NRG3: variants seen among roughly 807,000 people sequenced by gnomAD.
NRG3 encodes the protein pro-neuregulin-3, membrane-bound isoform.
In NRG3, 31 loss-of-function variants were observed where a neutral mutation model predicts 66.9. The observed-to-expected ratio is 0.46, with a 90% CI of 0.35 to 0.63. The LOEUF (loss-of-function observed/expected upper bound fraction) is 0.63. NRG3 is among the 20% of genes least tolerant of loss of function. The pLI, the probability that NRG3 is intolerant of heterozygous loss-of-function variation, is 0.00. For synonymous variants in NRG3, 393 were observed against 359.4 expected (o/e 1.09, Z -1.06); for missense variants, 910 against 878.9 (o/e 1.04, Z -0.45).
chr10:82,980,373 A>G (rs1263696584), intron 8 of NRG3, among the ~76,000 whole-genome samples: 1 of 152,184 alleles, frequency 6.6e-6, no homozygotes, highest in Non-Finnish European at 1.5e-5. Flanking sequence ...TAATTTTTTC[A>G]GCAATTTCAA....
intron 2 of NRG3, among the ~76,000 whole-genome samples, chr10:82,394,640 T>TC (rs1478963540): frequency 6.6e-6 from 1 of 152,198 alleles, no homozygotes; most frequent in Non-Finnish European, 1.5e-5. Flanking sequence ...AATTTTCATA[T>TC]CAGCAGTATT....
At chr10:82,196,917 G>A (rs2074480702) in intron 1 of NRG3, among the ~76,000 whole-genome samples, 1 of 152,158 alleles carries the variant, frequency 6.6e-6, no homozygotes, top group Non-Finnish European at 1.5e-5. Flanking sequence ...ATTTATTCCT[G>A]GGAAACTTAA....
intron 3 of NRG3, among the ~76,000 whole-genome samples, chr10:82,813,211 CTTTTTTT>C (rs58875697): frequency 1.8e-5 from 2 of 112,142 alleles, no homozygotes; most frequent in Non-Finnish European, 1.7e-5. Flanking sequence ...CTCTGTTTCT[CTTTTTTT>C]TTTTTTTTTT....
At chr10:82,049,729 A>G (rs1213544274) in intron 1 of NRG3, among the ~76,000 whole-genome samples, 1 of 151,988 alleles carries the variant, frequency 6.6e-6, no homozygotes, top group African/African-American at 2.4e-5. Context: ...ATCCAATTGG[A>G]TGCTGGTCAA....
At chr10:82,041,745 C>T (rs565922360) in intron 1 of NRG3, among the ~76,000 whole-genome samples, 12 of 152,042 alleles carry the variant, frequency 7.9e-5, no homozygotes, top group African/African-American at 2.9e-4. Flanking sequence ...TCTCTCCCTT[C>T]ACCCTTCCTT....
chr10:82,393,543 G>C (rs537181315), intron 2 of NRG3, among the ~76,000 whole-genome samples: 3 of 152,318 alleles, frequency 2.0e-5, no homozygotes, highest in Non-Finnish European at 4.4e-5. Flanking sequence ...AATCTGCCAT[G>C]CTGAGGATAA....
chr10:81,975,131 C>A (rs994223992), intron 1 of NRG3, among the ~76,000 whole-genome samples: 3 of 151,480 alleles, frequency 2.0e-5, no homozygotes, highest in African/African-American at 4.8e-5. Context: ...ACATAAAATA[C>A]AATGAAAATA....
chr10:82,305,806 A>G (rs1387525045), intron 1 of NRG3, among the ~76,000 whole-genome samples: 3 of 152,140 alleles, frequency 2.0e-5, no homozygotes, highest in Admixed American at 6.5e-5. Context: ...AATAGTGACA[A>G]TTGTTCCTCC....
chr10:82,022,093 T>C (rs1461595021), intron 1 of NRG3, among the ~76,000 whole-genome samples: 1 of 152,050 alleles, frequency 6.6e-6, no homozygotes, highest in East Asian at 1.9e-4. Context: ...AAAATTTTAT[T>C]GAGCACATAC....
intron 1 of NRG3, among the ~76,000 whole-genome samples, chr10:82,327,521 A>G (rs947579439): frequency 1.6e-4 from 25 of 152,200 alleles, no homozygotes; most frequent in African/African-American, 5.8e-4. Flanking sequence ...ATGAAACCCC[A>G]AAGAGTTTAC....
chr10:82,132,430 C>A (rs532750998), intron 1 of NRG3, among the ~76,000 whole-genome samples: 3 of 49,018 alleles, frequency 6.1e-5, no homozygotes, highest in Non-Finnish European at 1.7e-4. Context: ...TTATTGAATG[C>A]AGTTTGCTAA....
chr10:82,246,304 A>G (rs2077241700), intron 1 of NRG3, among the ~76,000 whole-genome samples: 1 of 152,198 alleles, frequency 6.6e-6, no homozygotes, highest in African/African-American at 2.4e-5. Flanking sequence ...ACATACTGCA[A>G]AATGCTTGAT....
intron 1 of NRG3, among the ~76,000 whole-genome samples, chr10:82,349,242 TG>T (rs1166301621): frequency 2.0e-5 from 3 of 151,686 alleles, no homozygotes; most frequent in Non-Finnish European, 4.4e-5. Flanking sequence ...GATGGGTTTT[TG>T]GTGTGGATGT....
intron 4 of NRG3, among the ~76,000 whole-genome samples, chr10:82,871,265 G>A (rs1841312399): frequency 7.3e-6 from 1 of 137,000 alleles, no homozygotes; most frequent in African/African-American, 2.9e-5. Flanking sequence ...TCTTTGTTCT[G>A]TTCCATTAAA....
chr10:82,391,814 C>T (rs2086385242), intron 2 of NRG3, among the ~76,000 whole-genome samples: 1 of 151,994 alleles, frequency 6.6e-6, no homozygotes, highest in Non-Finnish European at 1.5e-5. Flanking sequence ...ATAGACCTTA[C>T]ATAATACACA....
At chr10:82,186,841 CTCTGG>C (rs1564643163) in intron 1 of NRG3, among the ~76,000 whole-genome samples, 1 of 152,150 alleles carries the variant, frequency 6.6e-6, no homozygotes, top group East Asian at 1.9e-4. Flanking sequence ...AGATACTGGA[CTCTGG>C]TCTGGTAAGA....
chr10:82,651,300 G>A (rs1347743561), intron 2 of NRG3, among the ~76,000 whole-genome samples: 1 of 152,160 alleles, frequency 6.6e-6, no homozygotes, highest in African/African-American at 2.4e-5. Context: ...AAGAACTTTA[G>A]AGATCTCCAG....
At chr10:81,976,490 G>A (rs1258001846) in intron 1 of NRG3, among the ~76,000 whole-genome samples, 1 of 152,154 alleles carries the variant, frequency 6.6e-6, no homozygotes, top group Non-Finnish European at 1.5e-5. Context: ...TCAACAAAGA[G>A]GAAAATGTTT....
Position 82,338,215 on chromosome 10 carries a change from G to A in NRG3, c.824-20524G>A, listed in dbSNP as rs1002379066. On this transcript the variant is annotated intron_variant, in intron 1 of 8. Transcript: ENST00000372141. ...GTAAAGTTGTAGGTAGTGCACTTGT[G>A]AGATCATCACCTTACTAGTGATTGA... Among the ~76,000 whole-genome samples the A allele has an allele frequency of 2.0e-5, 3 of 152,200 alleles. 1 individual carries two copies. In the East Asian group the frequency reaches 5.8e-4, roughly 29 times the overall value.
Sources: gnomAD v4.1 joint callset for allele counts (sites outside exome capture counted in the v4.1 genomes callset) on GRCh38, gnomAD v4.1.1 for gene constraint, MANE v1.5 for transcripts, NCBI Gene and HGNC (gene_info 2026-07-23, HGNC 2026-07-21) for gene names.